The following ANKRD26 variants were observed in gnomAD, a reference collection of about 807,000 sequenced individuals.
ANKRD26 encodes the protein ankyrin repeat domain-containing protein 26.
ANKRD26 carries 141 observed loss-of-function variants against 208.7 expected under a neutral mutation model. That is an observed-to-expected ratio of 0.68 (90% CI 0.59 to 0.78). ANKRD26 has a LOEUF of 0.78. Ranked by LOEUF, ANKRD26 falls within the 30% of genes least tolerant of loss-of-function variation. The pLI is 0.00. For synonymous variants in ANKRD26, 636 were observed against 660.4 expected (o/e 0.96, Z 0.57); for missense variants, 1,889 against 1,938.7 (o/e 0.97, Z 0.48).
intron 9 of ANKRD26, chr10:27,077,103 A>G (rs2055726551): frequency 1.1e-5 from 6 of 541,116 alleles, no homozygotes; most frequent in Non-Finnish European, 2.0e-5. Context: ...TCCTCAAGAA[A>G]ATACTAGCAA....
chr10:27,021,174 T>C (rs556926736), intron 29 of ANKRD26, among the ~76,000 whole-genome samples: 47 of 152,328 alleles, frequency 3.1e-4, no homozygotes, highest in African/African-American at 1.1e-3. Flanking sequence ...ATACACCATA[T>C]TTTCTTTTCC....
chr10:26,959,868 A>T, the ANKRD26 span, among the ~76,000 whole-genome samples: 1 of 152,172 alleles, frequency 6.6e-6, no homozygotes, highest in Admixed American at 6.5e-5. Context: ...GTTAACTTAT[A>T]ACTTAGTAAA....
rs549090908 is a variant in ANKRD26 at position 27,028,756 on chromosome 10, C to G, written c.3972+96G>C. Reference sequence around the variant, plus strand: ...AAAAAATCCAAAATCTGAAACACTTCTGGTCTCAAGCATTTTAAATAAGGG... The same window carrying G: ...AAAAAATCCAAAATCTGAAACACTTGTGGTCTCAAGCATTTTAAATAAGGG... On this transcript the variant is annotated intron_variant, in intron 27 of 33. Coordinates refer to ENST00000376087, the MANE Select transcript of ANKRD26 (RefSeq NM_014915.3). The G allele has an allele frequency of 1.3e-5, 13 of 1,011,264 alleles. No individual in the cohort carries two copies. In the South Asian group the frequency reaches 1.8e-4, roughly 14 times the overall value. 62.6% of individuals were successfully genotyped at this position (1,011,264 alleles called of 1,614,324 possible).
the ANKRD26 span, among the ~76,000 whole-genome samples, chr10:26,953,304 C>A: frequency 3.3e-5 from 5 of 152,042 alleles, no homozygotes; most frequent in Non-Finnish European, 1.5e-5. Context: ...GTGCCTGTAA[C>A]CCTAGCTACT....
At chr10:27,066,604 A>C (rs2135491729) in intron 10 of ANKRD26, 56 bp from the exon 11 acceptor site, 1 of 1,171,568 alleles carries the variant, frequency 8.5e-7, no homozygotes, top group Non-Finnish European at 1.2e-6. Flanking sequence ...TGTAAATTTT[A>C]AATACATAAT....
the ANKRD26 span, among the ~76,000 whole-genome samples, chr10:26,961,557 A>AC: frequency 2.6e-5 from 4 of 152,234 alleles, no homozygotes; most frequent in South Asian, 8.3e-4. Flanking sequence ...TAAACTGGGG[A>AC]GTATTGGCCA....
chr10:27,013,789 G>C (rs2053198891), intron 31 of ANKRD26, among the ~76,000 whole-genome samples: 1 of 152,146 alleles, frequency 6.6e-6, no homozygotes, highest in South Asian at 2.1e-4. Flanking sequence ...TAGCTGAGTT[G>C]GTGATCAAAA....
chr10:27,029,969 T>C (rs1265455366), intron 25 of ANKRD26, among the ~76,000 whole-genome samples: 2 of 152,228 alleles, frequency 1.3e-5, no homozygotes, highest in South Asian at 2.1e-4. Context: ...AGTGGTAAAA[T>C]AGAAACAGAG....
chr10:27,026,433 C>T (rs2053659619), intron 27 of ANKRD26, among the ~76,000 whole-genome samples: 1 of 152,180 alleles, frequency 6.6e-6, no homozygotes, highest in Non-Finnish European at 1.5e-5. Flanking sequence ...AATATATTGT[C>T]ATGTCACTTG....
downstream of ANKRD26, among the ~76,000 whole-genome samples, chr10:26,989,068 G>A (rs61443189): frequency 0.021 from 3,180 of 152,152 alleles, 172 homozygotes; most frequent in East Asian, 0.17. Context: ...TCCTTTCTGA[G>A]AGGGTATTAA....
downstream of ANKRD26, among the ~76,000 whole-genome samples, chr10:26,973,836 T>A (rs2052184821): frequency 6.6e-6 from 1 of 151,898 alleles, no homozygotes; most frequent in Non-Finnish European, 1.5e-5. Flanking sequence ...GTATTTTTTT[T>A]AGTAGAGACG....
Position 27,004,212 on chromosome 10 carries a change from A to C in ANKRD26, c.*1378T>G, listed in dbSNP as rs2052793532. 1.3e-5 allele frequency: 2 copies of C among 152,192 alleles called. 1 individual carries two copies. Among genetic ancestry groups the C allele is most frequent in the Non-Finnish European group, 2.9e-5 (2 of 68,024 alleles). The allele number at this position is 152,192 out of a possible 1,614,324, so 9.4% of individuals were successfully genotyped here. A position where few individuals can be genotyped will look rare whatever the true frequency, so the allele number is the denominator to read the frequency against. On this transcript the variant is annotated 3_prime_UTR_variant, in exon 34 of 34. Coordinates refer to ENST00000376087, the MANE Select transcript of ANKRD26 (RefSeq NM_014915.3). ...GGAGAAAGGATAAAGTAAATGCAGT[A>C]AAATGTTAACATTTGGGGAATAATA...
In ANKRD26 at chr10:27,100,248, C is replaced by T; in HGVS notation, c.79G>A (p.Gly27Arg). The T allele has an allele frequency of 4.3e-6, 7 of 1,611,424 alleles. No homozygotes were observed. The highest frequency in any genetic ancestry group is 5.9e-6 in the Non-Finnish European group (7 of 1,179,468). ...ARRQRSSAGG[G>R]GEPGEGAYSQ... ...TAGGCGCCCTCCCCCGGCTCGCCCCCGCCTCCCGCGCTGCTCCTCTGCCGC... is the reference window on the plus strand; with the variant it reads ...TAGGCGCCCTCCCCCGGCTCGCCCCTGCCTCCCGCGCTGCTCCTCTGCCGC... Residue 27 changes from glycine to arginine, a missense_variant, in exon 1 of 34, where the codon GGG becomes AGG. Gly to Arg is a moderately radical substitution (Grantham distance 125). This residue lies in a region of ANKRD26 where 1,272 missense variants were observed against 1,273.8 expected (regional missense o/e 1.00). Coordinates refer to ENST00000376087, the MANE Select transcript of ANKRD26 (RefSeq NM_014915.3).
At chr10:27,031,600 C>T (rs1407951700) in intron 25 of ANKRD26, among the ~76,000 whole-genome samples, 1 of 152,052 alleles carries the variant, frequency 6.6e-6, no homozygotes, top group Non-Finnish European at 1.5e-5. Context: ...AGGGTGATAA[C>T]AATGTTCTAA....
chr10:27,100,278 C>T lies in ANKRD26; in HGVS notation c.49G>A (p.Ala17Thr). ...CCCGCGCTGCTCCTCTGCCGCCGCG[C>T]GAAGGAGCCCAAGGGCGACTCGCCC... ...KKGESPLGSF[A>T]RRQRSSAGGG... The change falls in exon 1 of 34, where the codon GCG becomes ACG. Residue 17 changes from alanine to threonine, a missense_variant. By Grantham distance (58) the Ala-to-Thr change is moderately conservative. Around this residue, in one of 3 missense-constraint regions of ANKRD26, gnomAD observed 1,272 missense variants for 1,273.8 expected, o/e 1.00. Transcript: ENST00000376087. The T allele has an allele frequency of 6.2e-7, 1 of 1,610,106 alleles. No homozygotes were observed.
intron 1 of ANKRD26, among the ~76,000 whole-genome samples, chr10:27,096,773 A>G (rs1338732085): frequency 5.3e-5 from 8 of 151,718 alleles, no homozygotes; most frequent in Non-Finnish European, 1.0e-4. Flanking sequence ...CTCAAAAAAA[A>G]AAAAAAAAGA....
At chr10:26,989,445 CTT>C (rs1331535281), downstream of ANKRD26, among the ~76,000 whole-genome samples, 2 of 152,138 alleles carry the variant, frequency 1.3e-5, no homozygotes, top group Non-Finnish European at 2.9e-5. Flanking sequence ...ATGAAAAAGA[CTT>C]ATGGGCATTA....
At chr10:27,049,961 G>T (rs570027769) in intron 16 of ANKRD26, among the ~76,000 whole-genome samples, 2 of 152,076 alleles carry the variant, frequency 1.3e-5, no homozygotes, top group East Asian at 3.9e-4. Flanking sequence ...AGTGGCTCAC[G>T]CCTGTAATCC....
At chr10:26,985,633 A>G (rs2052374089) in intron 3 of ANKRD26, among the ~76,000 whole-genome samples, 1 of 152,132 alleles carries the variant, frequency 6.6e-6, no homozygotes, top group Non-Finnish European at 1.5e-5. Context: ...ACTTAGAGTG[A>G]CCTGGAATTT....
Sources: gnomAD v4.1 joint callset for allele counts (sites outside exome capture counted in the v4.1 genomes callset) on GRCh38, gnomAD v4.1.1 for gene constraint, gnomAD v4.1.1 regional missense constraint, MANE v1.5 for transcripts, NCBI Gene and HGNC (gene_info 2026-07-23, HGNC 2026-07-21) for gene names.